FBN2: variants seen among roughly 807,000 people sequenced by gnomAD.
The protein encoded by FBN2 is fibrillin 2.
Under a neutral mutation model 355.6 loss-of-function variants are expected in FBN2, and 105 were observed. That is an observed-to-expected ratio of 0.30 (90% CI 0.25 to 0.35). The LOEUF (loss-of-function observed/expected upper bound fraction) is 0.35. Ranked by LOEUF, FBN2 falls within the 10% of genes least tolerant of loss-of-function variation. FBN2 has a pLI of 1.00. For missense variants in FBN2, 3,280 were observed against 3,758.7 expected (o/e 0.87, Z 3.33); for synonymous variants, 1,350 against 1,301.2 (o/e 1.04, Z -0.81).
chr5:128,276,771 G>A (rs979480947), intron 58 of FBN2, among the ~76,000 whole-genome samples: 3 of 152,166 alleles, frequency 2.0e-5, no homozygotes, highest in Admixed American at 2.0e-4. Context: ...TCTCAAGGCA[G>A]TCCTCTGAGC....
In FBN2 at chr5:128,295,553, T is replaced by A. The variant is rs940432100; in HGVS notation, c.6167-3899A>T. On this transcript the variant is annotated intron_variant, in intron 48 of 64. Transcript: ENST00000262464. ...GTTCTCCTTGAAGAGGTCCTTCACA[T>A]CCCTTGTAAGTTGGATTCCTAGGTA... Among the ~76,000 whole-genome samples, 209 of 143,386 alleles carry A rather than the reference T, an allele frequency of 1.5e-3. 1 individual carries two copies. The highest frequency in any genetic ancestry group is 5.3e-3 in the African/African-American group (193 of 36,344). The allele number at this position is 143,386 out of a possible 152,430, so 94.1% of individuals were successfully genotyped here.
chr5:128,344,578 T>G, intron 24 of FBN2, 68 bp from the exon 25 acceptor site: 3 of 1,485,324 alleles, frequency 2.0e-6, no homozygotes, highest in Non-Finnish European at 2.8e-6. Context: ...CACTTTAAGT[T>G]AAAAATCTAT....
At chr5:128,432,250 T>A (rs958815962) in intron 7 of FBN2, among the ~76,000 whole-genome samples, 1 of 152,250 alleles carries the variant, frequency 6.6e-6, no homozygotes, top group Admixed American at 6.5e-5. Flanking sequence ...TCTTAAATTT[T>A]TTTCTTATAG....
At chr5:128,444,227 C>T (rs940310068) in intron 7 of FBN2, among the ~76,000 whole-genome samples, 11 of 151,578 alleles carry the variant, frequency 7.3e-5, no homozygotes, top group Non-Finnish European at 1.5e-4. Context: ...CGCCCGCCAC[C>T]GCGCCCGGCT....
At chr5:128,328,066 A>T (rs2126885895) in intron 34 of FBN2, 2 of 158,732 alleles carry the variant, frequency 1.3e-5, no homozygotes, top group South Asian at 3.7e-4. Flanking sequence ...TAACACAATG[A>T]TGGCTCAAAC....
At chr5:128,514,024 A>ATGTGTG (rs568979356) in intron 5 of FBN2, among the ~76,000 whole-genome samples, 2 of 87,114 alleles carry the variant, frequency 2.3e-5, no homozygotes, top group South Asian at 3.5e-4. Context: ...AAGTGCAGAA[A>ATGTGTG]TGTGTGTGTG....
At position 128,350,499 on chromosome 5, in the gene FBN2, T is replaced by C. The variant is rs374583168; in HGVS notation, c.2812+369A>G. Reference sequence around the variant, plus strand: ...CCGGGAGGTGGAGGTTGCAATGAGCTGAGGTCACGCCACTGCACTCCAGCC... The same window carrying C: ...CCGGGAGGTGGAGGTTGCAATGAGCCGAGGTCACGCCACTGCACTCCAGCC... On this transcript the variant is annotated intron_variant, in intron 21 of 64. Transcript: ENST00000262464. Among the ~76,000 whole-genome samples the C allele has an allele frequency of 1.3e-5, 2 of 152,096 alleles. 1 individual carries two copies. The highest frequency in any genetic ancestry group is 4.2e-4 in the South Asian group (2 of 4,814).
At chr5:128,439,691 G>A (rs371742125) in intron 7 of FBN2, among the ~76,000 whole-genome samples, 1 of 151,316 alleles carries the variant, frequency 6.6e-6, no homozygotes. Context: ...CTTTTTTTCT[G>A]GTTAGTAATT....
At chr5:128,264,168 A>G (rs1463169619) in intron 62 of FBN2, among the ~76,000 whole-genome samples, 2 of 152,214 alleles carry the variant, frequency 1.3e-5, no homozygotes, top group African/African-American at 4.8e-5. Flanking sequence ...ACACTTTAAA[A>G]GAGAGAAGTT....
rs370945923 is a variant in FBN2, at chr5:128,465,562, A to C, written c.629-641T>G. ...CTGCCTGTAAATATTCAGTTCTAAG[A>C]ATCTGATTTCTGTTTCTGTGTCAGT... On this transcript the variant is annotated intron_variant, in intron 5 of 64. Coordinates refer to ENST00000262464, the MANE Select transcript of FBN2 (RefSeq NM_001999.4). 2.6e-5 allele frequency among the ~76,000 whole-genome samples: 4 copies of C among 152,190 alleles called. No individual in the cohort carries two copies. In the South Asian group the frequency reaches 8.3e-4, roughly 31 times the overall value.
At chr5:128,413,094 T>C (rs1753112357) in intron 7 of FBN2, among the ~76,000 whole-genome samples, 1 of 152,232 alleles carries the variant, frequency 6.6e-6, no homozygotes, top group Non-Finnish European at 1.5e-5. Context: ...GATCCTGGGA[T>C]GTTTGAGAGA....
intron 55 of FBN2, among the ~76,000 whole-genome samples, chr5:128,286,042 TAG>T (rs1749137579): frequency 6.6e-6 from 1 of 152,216 alleles, no homozygotes; most frequent in Non-Finnish European, 1.5e-5. Flanking sequence ...TGCCCTGTGC[TAG>T]ATTTGGAGGA....
At chr5:128,433,075 T>C (rs1247538666) in intron 7 of FBN2, among the ~76,000 whole-genome samples, 2 of 151,922 alleles carry the variant, frequency 1.3e-5, no homozygotes, top group Non-Finnish European at 2.9e-5. Flanking sequence ...CTTCAACATG[T>C]GGAGATTATG....
In FBN2 at chr5:128,395,259, A is replaced by G; in HGVS notation, c.1094T>C (p.Met365Thr). Residue 365 changes from methionine to threonine, a missense_variant, in exon 9 of 65, where the codon ATG (methionine) becomes ACG (threonine). Transcript: ENST00000262464. ...GSRCIDQRTG[M>T]CFSGLVNGRC... is the part of the protein sequence containing the mutation. ...GCCATTCACCAGGCCCGAGAAACAC[A>G]TGCCTGTTCTCTGATCTGTGCATGT... 1 of 1,614,138 alleles carries G rather than the reference A, an allele frequency of 6.2e-7. No individual in the cohort carries two copies. Among genetic ancestry groups the G allele is most frequent in the Non-Finnish European group, 8.5e-7 (1 of 1,180,010 alleles).
intron 6 of FBN2, among the ~76,000 whole-genome samples, chr5:128,460,402 A>G (rs1429067337): frequency 6.6e-6 from 1 of 152,218 alleles, no homozygotes; most frequent in Non-Finnish European, 1.5e-5. Context: ...CATAGGAAGA[A>G]TCAATATCAT....
chr5:128,364,028 C>G (rs903097703), intron 18 of FBN2, among the ~76,000 whole-genome samples: 4 of 152,120 alleles, frequency 2.6e-5, no homozygotes, highest in Non-Finnish European at 5.9e-5. Context: ...AAAGTCCACT[C>G]AAGTGCTTTA....
chr5:128,389,886 T>A (rs1752465750), intron 11 of FBN2, among the ~76,000 whole-genome samples: 1 of 152,180 alleles, frequency 6.6e-6, no homozygotes, highest in African/African-American at 2.4e-5. Flanking sequence ...TTCCATACAT[T>A]CTTAATGCCT....
At chr5:128,497,666 A>C (rs1403310083) in intron 5 of FBN2, among the ~76,000 whole-genome samples, 2 of 152,138 alleles carry the variant, frequency 1.3e-5, no homozygotes, top group Non-Finnish European at 2.9e-5. Context: ...TGTTTTTTCT[A>C]GTTCACAGTG....
At chr5:128,525,292 T>C (rs547731025) in intron 4 of FBN2, among the ~76,000 whole-genome samples, 40 of 152,276 alleles carry the variant, frequency 2.6e-4, no homozygotes, top group Admixed American at 7.8e-4. Flanking sequence ...TTATGAAACT[T>C]TGCAAAACAG....
Sources: allele counts gnomAD v4.1 joint callset (sites outside exome capture counted in the v4.1 genomes callset), GRCh38; gene constraint gnomAD v4.1.1; transcripts MANE v1.5; gene names NCBI Gene and HGNC (gene_info 2026-07-23, HGNC 2026-07-21).